Variants in PEAK1 observed in about 807,000 individuals in gnomAD.
PEAK1 encodes pseudopodium enriched atypical kinase 1.
A neutral mutation model predicts 124.7 loss-of-function variants in PEAK1; 54 were observed. That is an observed-to-expected ratio of 0.43 (90% CI 0.35 to 0.54). The LOEUF (loss-of-function observed/expected upper bound fraction) is 0.54. Among genes scored for constraint, PEAK1 ranks in the 20% least tolerant of loss-of-function variants. The pLI, the probability that PEAK1 is intolerant of heterozygous loss-of-function variation, is 0.01. For missense variants in PEAK1, 2,046 were observed against 2,134.5 expected, an observed-to-expected ratio of 0.96 and a Z score of 0.82; for synonymous variants, 719 against 760.0, an observed-to-expected ratio of 0.95 and a Z score of 0.89.
At chr15:77,163,872 C>T (rs908654689) in intron 7 of PEAK1, among the ~76,000 whole-genome samples, 2 of 152,136 alleles carry the variant, frequency 1.3e-5, no homozygotes, top group African/African-American at 4.8e-5. Context: ...CCTCCTTTTA[C>T]CCCGAAAAAT....
intron 2 of PEAK1, among the ~76,000 whole-genome samples, chr15:77,313,702 A>ATATATATATG (rs1213561861): frequency 8.4e-6 from 1 of 119,430 alleles, no homozygotes; most frequent in African/African-American, 3.6e-5. Flanking sequence ...GTATATATAT[A>ATATATATATG]TATGTATGTG....
chr15:77,351,038 T>C, intron 2 of PEAK1: 1 of 773,668 alleles, frequency 1.3e-6, no homozygotes, highest in Non-Finnish European at 1.6e-6. Context: ...CTGAATCAAA[T>C]CAGCCCCTGC....
chr15:77,332,180 T>C (rs771663573), intron 2 of PEAK1: 153 of 972,218 alleles, frequency 1.6e-4, no homozygotes, highest in Non-Finnish European at 1.8e-4. Flanking sequence ...GCTAGTAATA[T>C]AAGCTTACAT....
At position 77,114,309 on chromosome 15, in the gene PEAK1, G is replaced by A. The variant is rs763314529; in HGVS notation, c.5088C>T (p.Asp1696=). 21 of 1,614,236 alleles carry A rather than the reference G, an allele frequency of 1.3e-5. No homozygotes were observed. Among genetic ancestry groups the A allele is most frequent in the Non-Finnish European group, 1.6e-5 (19 of 1,180,036 alleles). The change falls in exon 10 of 10, where the codon GAC becomes GAT. Residue 1696 remains aspartate (D), a synonymous_variant. Coordinates refer to ENST00000682557, the MANE Select transcript of PEAK1 (RefSeq NM_001385026.1). ...QRNTLLQNWL[D]IKRTLLMIKF... ...TGATCATGAGCAGTGTTCGCTTGAT[G>A]TCTAGCCAGTTTTGGAGCAGGGTGT...
At chr15:77,376,337 C>A (rs1318889985) in intron 1 of PEAK1, among the ~76,000 whole-genome samples, 1 of 152,022 alleles carries the variant, frequency 6.6e-6, no homozygotes, top group East Asian at 1.9e-4. Context: ...TCTCCAAGTT[C>A]CTTCTCACAT....
At chr15:77,367,116 G>A (rs920482670) in intron 1 of PEAK1, among the ~76,000 whole-genome samples, 3 of 152,102 alleles carry the variant, frequency 2.0e-5, no homozygotes, top group Non-Finnish European at 4.4e-5. Context: ...CCTGGCGACC[G>A]GGCGAGACTC....
chr15:77,321,190 G>A (rs1025033347), intron 2 of PEAK1, among the ~76,000 whole-genome samples: 2 of 152,196 alleles, frequency 1.3e-5, no homozygotes, highest in Non-Finnish European at 2.9e-5. Context: ...TGGGATGGCT[G>A]GGTCAAATGG....
chr15:77,341,042 C>T (rs1166613142), intron 2 of PEAK1, among the ~76,000 whole-genome samples: 1 of 151,758 alleles, frequency 6.6e-6, no homozygotes, highest in African/African-American at 2.4e-5. Flanking sequence ...CTCTTGATCT[C>T]CTGGGCTCAA....
At chr15:77,380,825 C>G (rs1262448091) in intron 1 of PEAK1, among the ~76,000 whole-genome samples, 1 of 152,170 alleles carries the variant, frequency 6.6e-6, no homozygotes, top group Non-Finnish European at 1.5e-5. Flanking sequence ...AAGCATCCCC[C>G]TCTCTCCCAA....
intron 5 of PEAK1, among the ~76,000 whole-genome samples, chr15:77,283,103 G>A (rs1009668551): frequency 6.6e-6 from 1 of 152,154 alleles, no homozygotes; most frequent in Non-Finnish European, 1.5e-5. Flanking sequence ...AAGAACATCA[G>A]CAGCTGGGCA....
intron 1 of PEAK1, among the ~76,000 whole-genome samples, chr15:77,391,668 T>C (rs1410534485): frequency 1.3e-5 from 2 of 152,070 alleles, no homozygotes; most frequent in Non-Finnish European, 2.9e-5. Flanking sequence ...AGCACAAAGA[T>C]ACAGAAGTCT....
chr15:77,207,053 G>T (rs796467484), intron 6 of PEAK1, among the ~76,000 whole-genome samples: 7 of 152,230 alleles, frequency 4.6e-5, no homozygotes, highest in African/African-American at 1.7e-4. Context: ...GGGAAAACTG[G>T]CTAGCCATAG....
At chr15:77,411,654 A>G (rs2072424182) in intron 1 of PEAK1, among the ~76,000 whole-genome samples, 1 of 152,112 alleles carries the variant, frequency 6.6e-6, no homozygotes. Flanking sequence ...CACCTAGGCT[A>G]GAGAGCAGTG....
intron 2 of PEAK1, among the ~76,000 whole-genome samples, chr15:77,360,484 A>AAT (rs2067816578): frequency 6.6e-6 from 1 of 152,192 alleles, no homozygotes; most frequent in Non-Finnish European, 1.5e-5. Flanking sequence ...GTATCCAGCC[A>AAT]ATATATATAC....
At chr15:77,286,879 T>G (rs956479447) in intron 2 of PEAK1, among the ~76,000 whole-genome samples, 2 of 152,186 alleles carry the variant, frequency 1.3e-5, no homozygotes, top group Middle Eastern at 6.3e-3. Context: ...GTTCCTACAG[T>G]TCTTAACCTT....
chr15:77,182,749 C>CAAA (rs71143395), intron 6 of PEAK1, among the ~76,000 whole-genome samples: 1 of 65,138 alleles, frequency 1.5e-5, no homozygotes, highest in African/African-American at 6.2e-5. Context: ...GACCTTGTCT[C>CAAA]AAAAAAAAAA....
chr15:77,281,212 T>C (rs1328594971), intron 5 of PEAK1, among the ~76,000 whole-genome samples: 2 of 152,180 alleles, frequency 1.3e-5, no homozygotes, highest in African/African-American at 2.4e-5. Context: ...ATGTCTATAT[T>C]TGCTGTAAAA....
At chr15:77,406,452 G>A (rs779336373) in intron 1 of PEAK1, among the ~76,000 whole-genome samples, 6 of 152,150 alleles carry the variant, frequency 3.9e-5, no homozygotes, top group Non-Finnish European at 8.8e-5. Context: ...CAAAATCAAT[G>A]TACACAAATC....
intron 2 of PEAK1, chr15:77,334,195 C>G: frequency 1.0e-6 from 1 of 980,532 alleles, no homozygotes; most frequent in South Asian, 4.7e-5. Context: ...AAAGTACTGA[C>G]TTCAGTACAT....
Sources: allele counts gnomAD v4.1 joint callset (sites outside exome capture counted in the v4.1 genomes callset), GRCh38; gene constraint gnomAD v4.1.1; transcripts MANE v1.5; gene names NCBI Gene and HGNC (gene_info 2026-07-23, HGNC 2026-07-21).